Variants in SLC35F5 observed in about 807,000 individuals in gnomAD.
The protein encoded by SLC35F5 is HCV NS5A-transactivated protein 3.
In SLC35F5, 54 loss-of-function variants were observed where a neutral mutation model predicts 68.6. The observed-to-expected ratio is 0.79, with a 90% CI of 0.63 to 0.99. The LOEUF is 0.99. SLC35F5 is among the 50% of genes least tolerant of loss of function. SLC35F5 has a pLI of 0.00. For synonymous variants in SLC35F5, 211 were observed against 205.2 expected (o/e 1.03, Z -0.24); for missense variants, 567 against 626.9 (o/e 0.90, Z 1.02).
chr2:113,725,288 G>C lies in SLC35F5; in HGVS notation c.1250+90C>G, dbSNP rs1358534136. On this transcript the variant is annotated intron_variant, in intron 12 of 15. Transcript: ENST00000245680. ...GTGTGTTGCAGAATGGGGTGCACAGGAAGGGCCACCAGCAAACAGACAAAT... is the reference window on the plus strand; with the variant it reads ...GTGTGTTGCAGAATGGGGTGCACAGCAAGGGCCACCAGCAAACAGACAAAT... The C allele has an allele frequency of 2.4e-6, 3 of 1,231,066 alleles. No individual in the cohort carries two copies. The East Asian group carries it at 7.2e-5, about 30-fold the overall frequency. 76.3% of individuals were successfully genotyped at this position (1,231,066 alleles called of 1,614,324 possible).
rs536046670 is a variant in SLC35F5, at chr2:113,745,900, C to T, written c.480+377G>A. The stretch of plus-strand genomic sequence containing the variant: ...GAACGTGTTTAACACAGATTTGTCA[C>T]TGTAAAAAATTTGTGGAACAAACGA... On this transcript the variant is annotated intron_variant, in intron 5 of 15. Coordinates refer to ENST00000245680, the MANE Select transcript of SLC35F5 (RefSeq NM_025181.5). Among the ~76,000 whole-genome samples, 26 of 152,244 alleles carry T rather than the reference C, an allele frequency of 1.7e-4. No homozygotes were observed. The East Asian group carries it at 5.0e-3, about 29-fold the overall frequency.
intron 15 of SLC35F5, among the ~76,000 whole-genome samples, chr2:113,716,275 C>T (rs1687179079): frequency 6.6e-6 from 1 of 152,096 alleles, no homozygotes; most frequent in Admixed American, 6.6e-5. Context: ...ACTCAGATGC[C>T]CTCTCTTACT....
At chr2:113,753,944 G>A (rs1039937946) in intron 3 of SLC35F5, among the ~76,000 whole-genome samples, 1 of 152,010 alleles carries the variant, frequency 6.6e-6, no homozygotes, top group African/African-American at 2.4e-5. Flanking sequence ...GAGTTTTAAA[G>A]CAAAAAATAT....
At position 113,756,492 on chromosome 2, in the gene SLC35F5, G is replaced by T; in HGVS notation, c.-83C>A. ...CAGAGCTGTCACCGCGCCTGACATC[G>T]CGCCGCACTGGAGGCCCAGCTCCTG... On this transcript the variant is annotated 5_prime_UTR_variant, in exon 1 of 16. Coordinates refer to ENST00000245680, the MANE Select transcript of SLC35F5 (RefSeq NM_025181.5). 2 of 1,521,928 alleles carry T rather than the reference G, an allele frequency of 1.3e-6. No homozygotes were observed. The allele number at this position is 1,521,928 out of a possible 1,614,324, so 94.3% of individuals were successfully genotyped here. A position where few individuals can be genotyped will look rare whatever the true frequency, so the allele number is the denominator to read the frequency against.
At chr2:113,744,404 C>T (rs1316523677) in intron 5 of SLC35F5, among the ~76,000 whole-genome samples, 3 of 152,160 alleles carry the variant, frequency 2.0e-5, no homozygotes, top group Non-Finnish European at 2.9e-5. Flanking sequence ...GTATTGAGTA[C>T]CAACTCTAGA....
chr2:113,747,830 G>A (rs776472144), intron 4 of SLC35F5, among the ~76,000 whole-genome samples: 4 of 152,202 alleles, frequency 2.6e-5, no homozygotes, highest in African/African-American at 4.8e-5. Flanking sequence ...AGTGGCTCAC[G>A]CCTGTAATCC....
At chr2:113,750,362 T>C (rs1676683297) in intron 4 of SLC35F5, 63 bp downstream of exon 4, 1 of 1,442,036 alleles carries the variant, frequency 6.9e-7, no homozygotes, top group African/African-American at 1.4e-5. Context: ...TAATACATCT[T>C]TAAACTTTGA....
intron 7 of SLC35F5, among the ~76,000 whole-genome samples, 190 bp from the exon 8 acceptor site, chr2:113,736,048 G>A (rs1688082569): frequency 6.6e-6 from 1 of 150,762 alleles, no homozygotes; most frequent in Non-Finnish European, 1.5e-5. Flanking sequence ...CTAAGACCAT[G>A]CTACCCAATT....
intron 4 of SLC35F5, among the ~76,000 whole-genome samples, chr2:113,747,858 G>A (rs537659233): frequency 2.6e-4 from 39 of 152,330 alleles, no homozygotes; most frequent in Non-Finnish European, 4.6e-4. Context: ...CTGGGAGGCC[G>A]AGAGGGGTGG....
At position 113,746,265 on chromosome 2, in the gene SLC35F5, A is replaced by G. The variant is rs1384193456; in HGVS notation, c.480+12T>C. 6.2e-7 allele frequency: 1 copy of G among 1,610,690 alleles called. No individual in the cohort carries two copies. Among genetic ancestry groups the G allele is most frequent in the Admixed American group, 1.7e-5 (1 of 60,018 alleles). The stretch of plus-strand genomic sequence containing the variant: ...CCACCTCTCTATTCCTGACAAGAAA[A>G]GAAGCACTTACCAAAGAACTATTCA... On this transcript the variant is annotated intron_variant, in intron 5 of 15. Transcript: ENST00000245680.
rs766779601 is a variant in SLC35F5 at position 113,719,279 on chromosome 2, T to A, written c.1371A>T (p.Gly457=). 3 of 1,570,162 alleles carry A rather than the reference T, an allele frequency of 1.9e-6. No homozygotes were observed. The East Asian group carries it at 6.8e-5, about 36-fold the overall frequency. Residue 457 remains glycine (G), a synonymous_variant, in exon 14 of 16, where the codon GGA becomes GGT. Coordinates refer to ENST00000245680, the MANE Select transcript of SLC35F5 (RefSeq NM_025181.5). ...AAAATGAAAAAAATACAGGGATAGCTCCTGCAAAAAATAACCAAGAAAACT... is the reference window on the plus strand; with the variant it reads ...AAAATGAAAAAAATACAGGGATAGCACCTGCAAAAAATAACCAAGAAAACT... ...KVQFSWLFFA[G]AIPVFFSFFI...
At chr2:113,724,957 G>C (rs1687600831) in intron 12 of SLC35F5, among the ~76,000 whole-genome samples, 1 of 152,106 alleles carries the variant, frequency 6.6e-6, no homozygotes, top group Non-Finnish European at 1.5e-5. Flanking sequence ...CTATGAACAA[G>C]CAAACAGATA....
intron 15 of SLC35F5, among the ~76,000 whole-genome samples, chr2:113,716,396 A>C (rs1687185409): frequency 6.6e-6 from 1 of 152,202 alleles, no homozygotes; most frequent in African/African-American, 2.4e-5. Flanking sequence ...ACCAGGACGA[A>C]TCCTACATAG....
At chr2:113,750,658 C>A in intron 3 of SLC35F5, 90 bp from the exon 4 acceptor site, 1 of 1,176,590 alleles carries the variant, frequency 8.5e-7, no homozygotes, top group Non-Finnish European at 1.1e-6. Flanking sequence ...TGATTTTTAA[C>A]TCTTCAGAAG....
chr2:113,706,861 A>T lies in SLC35F5; in HGVS notation c.*8357T>A, dbSNP rs1686812303. On this transcript the variant is annotated 3_prime_UTR_variant, in exon 16 of 16. Transcript: ENST00000245680. ...ACAAATGATTTTACACAAATGAAGC[A>T]TTAAAAATCACAAATCTTATATTTG... 6.6e-6 allele frequency among the ~76,000 whole-genome samples: 1 copy of T among 152,250 alleles called. No homozygotes were observed. Among genetic ancestry groups the T allele is most frequent in the South Asian group, 2.1e-4 (1 of 4,832 alleles).
Position 113,719,262 on chromosome 2 carries a change from A to C in SLC35F5, c.1388T>G (p.Phe463Cys), listed in dbSNP as rs146995908. 9.7e-4 allele frequency: 1,553 copies of C among 1,597,280 alleles called. 9 individuals carry two copies. The African/African-American group carries it at 0.012, about 12-fold the overall frequency. The change falls in exon 14 of 16, where the codon TTT (phenylalanine) becomes TGT (cysteine). Residue 463 changes from phenylalanine (F) to cysteine (C), a missense_variant. Physicochemically the swap from Phe to Cys is radical, Grantham distance 205. Transcript: ENST00000245680. The stretch of plus-strand genomic sequence containing the variant: ...TAGGAGAGTTACAATAAAAAATGAA[A>C]AAAATACAGGGATAGCTCCTGCAAA... ...LFFAGAIPVF[F>C]SFFIVTLLCH...
chr2:113,709,962 C>T lies in SLC35F5; in HGVS notation c.*5256G>A, dbSNP rs1686928356. On this transcript the variant is annotated 3_prime_UTR_variant, in exon 16 of 16. Transcript: ENST00000245680. ...AAGCAGCTCAGACTACAGGTATGCA[C>T]TACCATGCCTGTTTGTTTTTTGTTT... 6.6e-6 allele frequency among the ~76,000 whole-genome samples: 1 copy of T among 152,186 alleles called. No homozygotes were observed. The highest frequency in any genetic ancestry group is 6.5e-5 in the Admixed American group (1 of 15,280).
chr2:113,756,176 G>C, intron 1 of SLC35F5, 194 bp downstream of exon 1: 21 of 1,462,972 alleles, frequency 1.4e-5, no homozygotes, highest in Non-Finnish European at 1.9e-5. Context: ...CGCACGCACG[G>C]CTTCCTCAAT....
Position 113,736,687 on chromosome 2 carries a change from G to A in SLC35F5, c.751-829C>T, listed in dbSNP as rs59009088. ...TGTCCTATGAAAATGATAATTTATT[G>A]ATTAATTGTGATTGCTTTTCTGAAT... is the stretch of plus-strand genomic sequence containing the variant. On this transcript the variant is annotated intron_variant, in intron 7 of 15. Transcript: ENST00000245680. Among the ~76,000 whole-genome samples, 1,484 of 152,238 alleles carry A rather than the reference G, an allele frequency of 9.7e-3. 29 individuals carry two copies. Among genetic ancestry groups the A allele is most frequent in the African/African-American group, 0.034 (1,402 of 41,544 alleles).
Sources: gnomAD v4.1 joint callset for allele counts (sites outside exome capture counted in the v4.1 genomes callset) on GRCh38, gnomAD v4.1.1 for gene constraint, MANE v1.5 for transcripts, NCBI Gene and HGNC (gene_info 2026-07-23, HGNC 2026-07-21) for gene names.